KIAA1671: variants seen among roughly 807,000 people sequenced by gnomAD.
KIAA1671 encodes the protein KIAA1671.
KIAA1671 carries 52 observed loss-of-function variants against 131.2 expected under a neutral mutation model. The observed-to-expected ratio is 0.40, with a 90% CI of 0.32 to 0.50. KIAA1671 has a LOEUF of 0.50. Ranked by LOEUF, KIAA1671 falls within the 20% of genes least tolerant of loss-of-function variation. KIAA1671 has a pLI of 0.73. For synonymous variants in KIAA1671, 1,003 were observed against 961.6 expected (o/e 1.04, Z -0.80); for missense variants, 2,360 against 2,364.2 (o/e 1.00, Z 0.04).
At position 25,099,556 on chromosome 22, in the gene KIAA1671, T is replaced by G. The variant is rs1266997744; in HGVS notation, c.4530+50192T>G. On this transcript the variant is annotated intron_variant, in intron 6 of 12. Coordinates refer to ENST00000358431, the MANE Select transcript of KIAA1671 (RefSeq NM_001145206.2). ...ATGTGGGTTTTTTTGTTTTTTTTTT[T>G]TTTTTTTTTTTTTTTTTAGATAGAG... Among the ~76,000 whole-genome samples the G allele has an allele frequency of 2.5e-4, 14 of 55,756 alleles. 1 individual carries two copies. The highest frequency in any genetic ancestry group is 0.02 in the Middle Eastern group (2 of 100). 36.6% of individuals were successfully genotyped at this position (55,756 alleles called of 152,430 possible).
At chr22:25,009,421 C>T (rs1454077917) in intron 1 of KIAA1671, among the ~76,000 whole-genome samples, 3 of 151,160 alleles carry the variant, frequency 2.0e-5, no homozygotes, top group Non-Finnish European at 4.4e-5. Context: ...CCTGTCACCA[C>T]ACCCAGCTAA....
chr22:25,028,182 C>T lies in KIAA1671; in HGVS notation c.183C>T (p.Leu61=). The T allele has an allele frequency of 6.5e-7, 1 of 1,549,942 alleles. No individual in the cohort carries two copies. Among genetic ancestry groups the T allele is most frequent in the Non-Finnish European group, 8.7e-7 (1 of 1,145,744 alleles). ...CCCTGCGGAGCCCGGCCCGGTTACT[C>T]CCTCTGCCAAGGCTCGCCCCCAAAC... ...KSPLRSPARL[L]PLPRLAPKPF... is the part of the protein sequence containing the mutation. The change falls in exon 3 of 13, where the codon CTC becomes CTT. Residue 61 remains leucine (L), a synonymous_variant. Coordinates refer to ENST00000358431, the MANE Select transcript of KIAA1671 (RefSeq NM_001145206.2).
intron 6 of KIAA1671, among the ~76,000 whole-genome samples, chr22:25,139,161 G>T (rs1471049900): frequency 6.6e-6 from 1 of 152,212 alleles, no homozygotes; most frequent in Non-Finnish European, 1.5e-5. Context: ...GATGCTGCTT[G>T]GAAGATATTT....
intron 11 of KIAA1671, chr22:25,185,408 C>G (rs1315546251): frequency 2.9e-5 from 11 of 383,750 alleles, no homozygotes; most frequent in Non-Finnish European, 4.2e-5. Context: ...AACTACTGAT[C>G]TAGTTTAGCC....
At chr22:25,189,339 AT>A (rs1195866353) in intron 11 of KIAA1671, among the ~76,000 whole-genome samples, 2 of 150,474 alleles carry the variant, frequency 1.3e-5, no homozygotes, top group Non-Finnish European at 3.0e-5. Flanking sequence ...CACCCGGCTA[AT>A]TTTTTTTTAT....
chr22:25,018,621 T>C (rs1437230397), intron 1 of KIAA1671, among the ~76,000 whole-genome samples: 7 of 152,218 alleles, frequency 4.6e-5, no homozygotes, highest in African/African-American at 1.7e-4. Context: ...AATTTGCCTA[T>C]TCTAAACACC....
At chr22:25,148,478 G>A (rs1481175889) in intron 6 of KIAA1671, among the ~76,000 whole-genome samples, 2 of 152,166 alleles carry the variant, frequency 1.3e-5, no homozygotes, top group Admixed American at 6.5e-5. Flanking sequence ...CCAGCAGTTG[G>A]AGGCAAGGAA....
chr22:25,093,744 C>CTCTCTCTT (rs1930175592), intron 6 of KIAA1671, among the ~76,000 whole-genome samples: 1 of 104,960 alleles, frequency 9.5e-6, no homozygotes. Flanking sequence ...CACACTCTCT[C>CTCTCTCTT]TCTCTCTCTC....
intron 6 of KIAA1671, among the ~76,000 whole-genome samples, chr22:25,148,104 C>T (rs1932922771): frequency 6.6e-6 from 1 of 151,718 alleles, no homozygotes; most frequent in Non-Finnish European, 1.5e-5. Context: ...CACATTGTGC[C>T]AGCTTTGGCC....
At chr22:25,034,925 G>C (rs982462782) in intron 4 of KIAA1671, among the ~76,000 whole-genome samples, 1 of 151,350 alleles carries the variant, frequency 6.6e-6, no homozygotes, top group African/African-American at 2.4e-5. Flanking sequence ...TTTTAGTAGA[G>C]ATGGGGTTTC....
chr22:25,163,331 A>ATT (rs132895), intron 6 of KIAA1671, among the ~76,000 whole-genome samples: 5,810 of 55,512 alleles, frequency 0.1, 386 homozygotes, highest in Non-Finnish European at 0.13. Flanking sequence ...ATTGCCTCAA[A>ATT]TTTTTTTTTT....
At chr22:25,184,902 C>T (rs1934418164) in intron 10 of KIAA1671, 75 bp from the exon 11 acceptor site, 1 of 1,523,616 alleles carries the variant, frequency 6.6e-7, no homozygotes. Context: ...GCTCATTGTA[C>T]CTGACATTTG....
chr22:25,028,158 C>T lies in KIAA1671; in HGVS notation c.159C>T (p.Pro53=). The stretch of plus-strand genomic sequence containing the variant: ...CCCGGATCTTGGAAGCGAAGAGCCC[C>T]CTGCGGAGCCCGGCCCGGTTACTCC... ...PPARILEAKS[P]LRSPARLLPL... is the part of the protein sequence containing the mutation. The change falls in exon 3 of 13, where the codon CCC becomes CCT. Residue 53 remains proline (P), a synonymous_variant. Coordinates refer to ENST00000358431, the MANE Select transcript of KIAA1671 (RefSeq NM_001145206.2). 1.3e-6 allele frequency: 2 copies of T among 1,550,740 alleles called. No homozygotes were observed. Among genetic ancestry groups the T allele is most frequent in the Non-Finnish European group, 1.7e-6 (2 of 1,146,510 alleles).
intron 6 of KIAA1671, among the ~76,000 whole-genome samples, chr22:25,160,082 T>G (rs1291533511): frequency 6.6e-6 from 1 of 152,184 alleles, no homozygotes; most frequent in Non-Finnish European, 1.5e-5. Flanking sequence ...ACACTGGACA[T>G]TAGCCAGCAG....
rs565322213 is a variant in KIAA1671, at chr22:25,191,452, G to A, written c.*4+668G>A. Among the ~76,000 whole-genome samples the A allele has an allele frequency of 1.2e-3, 187 of 152,232 alleles. 3 individuals carry two copies. In the South Asian group the frequency reaches 0.031, roughly 26 times the overall value. On this transcript the variant is annotated intron_variant, in intron 12 of 12. Transcript: ENST00000358431. ...ATTATAGGCGTGAGCCACTGTGCCC[G>A]GCCAGAAATGGTTACAGTTTTTATA...
rs1924303802 is a variant in KIAA1671 at position 24,999,221 on chromosome 22, T to TA, written c.-207-26411dup. 2.6e-5 allele frequency among the ~76,000 whole-genome samples: 4 copies of TA among 152,084 alleles called. No individual in the cohort carries two copies. The South Asian group carries it at 8.3e-4, about 31-fold the overall frequency. On this transcript the variant is annotated intron_variant, in intron 1 of 12. Coordinates refer to ENST00000358431, the MANE Select transcript of KIAA1671 (RefSeq NM_001145206.2). ...GTAGTACAGTATTTTATAATCAATA[T>TA]AGTGTATAGTATACAGAGAGAGAGA... is the stretch of plus-strand genomic sequence containing the variant.
intron 6 of KIAA1671, chr22:25,059,291 AC>A (rs1439114284): frequency 1.3e-5 from 2 of 152,036 alleles, no homozygotes; most frequent in East Asian, 3.9e-4. Flanking sequence ...ACATGGTGAA[AC>A]CCCGTTTCTA....
chr22:24,999,165 C>T (rs1924300615), intron 1 of KIAA1671, among the ~76,000 whole-genome samples: 1 of 152,150 alleles, frequency 6.6e-6, no homozygotes, highest in Non-Finnish European at 1.5e-5. Flanking sequence ...ATGCCAGTCT[C>T]TGTAATTTTA....
chr22:25,119,813 G>A (rs1931849317), intron 6 of KIAA1671, among the ~76,000 whole-genome samples: 1 of 152,194 alleles, frequency 6.6e-6, no homozygotes, highest in African/African-American at 2.4e-5. Flanking sequence ...TTCGTGCCTG[G>A]TGTGTTTGAG....
Sources: allele counts gnomAD v4.1 joint callset (sites outside exome capture counted in the v4.1 genomes callset), GRCh38; gene constraint gnomAD v4.1.1; transcripts MANE v1.5; gene names NCBI Gene and HGNC (gene_info 2026-07-23, HGNC 2026-07-21).